Variants in FIP1L1 observed in about 807,000 individuals in gnomAD.
The protein encoded by FIP1L1 is factor interacting with PAPOLA and CPSF1.
Under a neutral mutation model 84.6 loss-of-function variants are expected in FIP1L1, and 21 were observed. The ratio of observed to expected loss-of-function variants is 0.25; its 90% CI spans 0.18 to 0.36. The LOEUF (loss-of-function observed/expected upper bound fraction) is 0.36, where lower values mean the gene tolerates loss of function less well. Among genes scored for constraint, FIP1L1 ranks in the 10% least tolerant of loss-of-function variants. FIP1L1 has a pLI of 1.00. For synonymous variants in FIP1L1, 263 were observed against 242.3 expected, an observed-to-expected ratio of 1.09 and a Z score of -0.80; for missense variants, 526 against 751.1, an observed-to-expected ratio of 0.70 and a Z score of 3.50.
Position 53,425,790 on chromosome 4 carries a change from T to A in FIP1L1, c.924-82T>A. Reference sequence around the variant, plus strand: ...TTTTAAAATTTATTGCAAACACATTTTGTTTTTATTTCTCACTGCTTTTAT... The same window carrying A: ...TTTTAAAATTTATTGCAAACACATTATGTTTTTATTTCTCACTGCTTTTAT... On this transcript the variant is annotated intron_variant, in intron 11 of 17. Transcript: ENST00000337488. 1.0e-5 allele frequency: 10 copies of A among 962,000 alleles called. No homozygotes were observed. The South Asian group carries it at 1.6e-4, about 15-fold the overall frequency. The allele number at this position is 962,000 out of a possible 1,614,324, so 59.6% of individuals were successfully genotyped here.
chr4:53,428,568 G>C lies in FIP1L1; in HGVS notation c.1174+385G>C, dbSNP rs192068782. On this transcript the variant is annotated intron_variant, in intron 13 of 17. Coordinates refer to ENST00000337488, the MANE Select transcript of FIP1L1 (RefSeq NM_030917.4). ...AGTAGATCAAAAAATTATATCTTGC[G>C]AAGAGATTGATTAATATTTCAGTCT... 4.1e-3 allele frequency among the ~76,000 whole-genome samples: 614 copies of C among 151,014 alleles called. 3 individuals are homozygous for C. Among genetic ancestry groups the C allele is most frequent in the African/African-American group, 0.014 (592 of 41,482 alleles).
rs1350732579 is a variant in FIP1L1 at position 53,389,242 on chromosome 4, CAAG to C, written c.333-561_333-559del. ...AAGGATTTATTAACAATATCAAATG[CAAG>C]AAGAACTGAAAGGCCACTAGATTTG... On this transcript the variant is annotated intron_variant, in intron 5 of 17. Coordinates refer to ENST00000337488, the MANE Select transcript of FIP1L1 (RefSeq NM_030917.4). Among the ~76,000 whole-genome samples, 6 of 152,122 alleles carry C rather than the reference CAAG, an allele frequency of 3.9e-5. No homozygotes were observed. In the South Asian group the frequency reaches 1.0e-3, roughly 26 times the overall value.
chr4:53,413,017 G>A (rs1757869373), intron 10 of FIP1L1, among the ~76,000 whole-genome samples: 1 of 152,098 alleles, frequency 6.6e-6, no homozygotes, highest in African/African-American at 2.4e-5. Context: ...AAGTGTGTAT[G>A]TGTGACTTAC....
chr4:53,431,415 G>C (rs1333719318), intron 13 of FIP1L1, among the ~76,000 whole-genome samples: 2 of 152,124 alleles, frequency 1.3e-5, no homozygotes, highest in Non-Finnish European at 2.9e-5. Flanking sequence ...TAGATAAACT[G>C]TCTTGTTTTT....
At chr4:53,447,406 G>T (rs747293392) in intron 15 of FIP1L1, among the ~76,000 whole-genome samples, 1 of 151,986 alleles carries the variant, frequency 6.6e-6, no homozygotes, top group Non-Finnish European at 1.5e-5. Flanking sequence ...ATATTAGTGC[G>T]TCTTTCTAAG....
At chr4:53,454,358 CTG>C (rs1032159243) in intron 16 of FIP1L1, among the ~76,000 whole-genome samples, 12 of 152,208 alleles carry the variant, frequency 7.9e-5, no homozygotes, top group Non-Finnish European at 1.5e-4. Flanking sequence ...TAAGTACACT[CTG>C]TGGTGTTTGC....
intron 12 of FIP1L1, among the ~76,000 whole-genome samples, chr4:53,426,309 A>C (rs1458253528): frequency 6.6e-6 from 1 of 152,182 alleles, no homozygotes; most frequent in Non-Finnish European, 1.5e-5. Context: ...ACCCAAGTCT[A>C]AACATGAAAT....
At chr4:53,437,606 G>C (rs542663696) in intron 13 of FIP1L1, among the ~76,000 whole-genome samples, 1 of 151,980 alleles carries the variant, frequency 6.6e-6, no homozygotes, top group Non-Finnish European at 1.5e-5. Flanking sequence ...TCCCACCCCA[G>C]ACTTACTGAA....
chr4:53,421,411 A>G lies in FIP1L1; in HGVS notation c.924-4461A>G, dbSNP rs1159681130. Among the ~76,000 whole-genome samples the G allele has an allele frequency of 3.9e-5, 6 of 152,148 alleles. No individual in the cohort carries two copies. The East Asian group carries it at 7.7e-4, about 20-fold the overall frequency. On this transcript the variant is annotated intron_variant, in intron 11 of 17. Coordinates refer to ENST00000337488, the MANE Select transcript of FIP1L1 (RefSeq NM_030917.4). ...ATCTACCCCTCTCCATCTTTTCTCT[A>G]TGCTCATAGTTGTCCCTCCATCTGA...
chr4:53,379,416 C>A, intron 3 of FIP1L1, 152 bp downstream of exon 3: 1 of 739,782 alleles, frequency 1.4e-6, no homozygotes, highest in Non-Finnish European at 2.2e-6. Flanking sequence ...AGGATTATTC[C>A]AGTTTCAGGA....
intron 10 of FIP1L1, among the ~76,000 whole-genome samples, chr4:53,405,784 T>A (rs543098211): frequency 1.3e-5 from 2 of 150,412 alleles, no homozygotes; most frequent in Non-Finnish European, 3.0e-5. Flanking sequence ...TGAATGGGAG[T>A]TCACTCATGA....
intron 13 of FIP1L1, among the ~76,000 whole-genome samples, chr4:53,433,728 G>T (rs1193887351): frequency 2.6e-5 from 4 of 152,082 alleles, no homozygotes; most frequent in Admixed American, 2.6e-4. Context: ...CCACAAACCA[G>T]GATCCCTGCT....
chr4:53,451,575 C>CTT lies in FIP1L1; in HGVS notation c.1286-1332_1286-1331dup, dbSNP rs11371161. 2.3e-3 allele frequency among the ~76,000 whole-genome samples: 318 copies of CTT among 139,472 alleles called. 2 individuals carry two copies. The highest frequency in any genetic ancestry group is 4.6e-3 in the African/African-American group (174 of 37,946). The allele number at this position is 139,472 out of a possible 152,430, so 91.5% of individuals were successfully genotyped here. Reference sequence around the variant, plus strand: ...TCATTGTTTTGAAACTATACATTTTCTTTTTTTTTTTTTTAGTGGTTACTC... The same window carrying CTT: ...TCATTGTTTTGAAACTATACATTTTCTTTTTTTTTTTTTTTTAGTGGTTACTC... On this transcript the variant is annotated intron_variant, in intron 15 of 17. Transcript: ENST00000337488.
intron 4 of FIP1L1, 43 bp from the exon 5 acceptor site, chr4:53,383,730 T>C (rs757603584): frequency 2.0e-6 from 3 of 1,534,958 alleles, no homozygotes; most frequent in Non-Finnish European, 2.6e-6. Flanking sequence ...GATGTTGAAA[T>C]GGATTACTGA....
chr4:53,411,515 T>G (rs1356439157), intron 10 of FIP1L1, among the ~76,000 whole-genome samples: 2 of 152,144 alleles, frequency 1.3e-5, no homozygotes, highest in South Asian at 4.1e-4. Flanking sequence ...TTTATGGAGA[T>G]TGGATAGACA....
In FIP1L1 at chr4:53,399,650, A is replaced by G. The variant is rs571126949; in HGVS notation, c.706-80A>G. 5.2e-5 allele frequency: 46 copies of G among 882,958 alleles called. No individual in the cohort carries two copies. In the South Asian group the frequency reaches 7.0e-4, roughly 14 times the overall value. The allele number at this position is 882,958 out of a possible 1,614,324, so 54.7% of individuals were successfully genotyped here. On this transcript the variant is annotated intron_variant, in intron 9 of 17. Coordinates refer to ENST00000337488, the MANE Select transcript of FIP1L1 (RefSeq NM_030917.4). The stretch of plus-strand genomic sequence containing the variant: ...TGTTTAACTTCAAATTAAATGTTGT[A>G]AACTTATTTTAACATCTAAAGTCCA...
In FIP1L1 at chr4:53,404,249, G is replaced by T. The variant is rs1751933897; in HGVS notation, c.815+4410G>T. Among the ~76,000 whole-genome samples, 7 of 143,966 alleles carry T rather than the reference G, an allele frequency of 4.9e-5. No homozygotes were observed. In the South Asian group the frequency reaches 1.5e-3, roughly 32 times the overall value. 94.4% of individuals were successfully genotyped at this position (143,966 alleles called of 152,430 possible). A position where few individuals can be genotyped will look rare whatever the true frequency, so the allele number is the denominator to read the frequency against. On this transcript the variant is annotated intron_variant, in intron 10 of 17. Transcript: ENST00000337488. Reference sequence around the variant, plus strand: ...TTGTTCAATTCCCACCTATGAGTGAGAATATGCGGTGTTTGGTTTTTTGTT... The same window carrying T: ...TTGTTCAATTCCCACCTATGAGTGATAATATGCGGTGTTTGGTTTTTTGTT...
chr4:53,412,006 A>G (rs1030589313), intron 10 of FIP1L1, among the ~76,000 whole-genome samples: 5 of 152,144 alleles, frequency 3.3e-5, no homozygotes, highest in African/African-American at 1.2e-4. Context: ...AGTCCCCATT[A>G]TGCCTCCTTC....
chr4:53,391,264 T>A, intron 8 of FIP1L1, 125 bp downstream of exon 8: 1 of 1,266,406 alleles, frequency 7.9e-7, no homozygotes, highest in Non-Finnish European at 1.1e-6. Context: ...CCATTTTGTT[T>A]ACCATGTTTG....
Sources: allele counts gnomAD v4.1 joint callset (sites outside exome capture counted in the v4.1 genomes callset), GRCh38; gene constraint gnomAD v4.1.1; transcripts MANE v1.5; gene names NCBI Gene and HGNC (gene_info 2026-07-23, HGNC 2026-07-21).